Variants in ROBO2 observed in about 807,000 individuals in gnomAD.
ROBO2 encodes roundabout guidance receptor 2, also known as roundabout homolog 2.
A neutral mutation model predicts 160.8 loss-of-function variants in ROBO2; 53 were observed. The observed-to-expected ratio is 0.33, with a 90% CI of 0.26 to 0.41. The LOEUF is 0.41. Among genes scored for constraint, ROBO2 ranks in the 10% least tolerant of loss-of-function variants. ROBO2 has a pLI of 1.00. For missense variants in ROBO2, 1,577 were observed against 1,722.4 expected, an observed-to-expected ratio of 0.92 and a Z score of 1.49; for synonymous variants, 664 against 611.7, an observed-to-expected ratio of 1.09 and a Z score of -1.26.
chr3:77,135,821 A>G (rs2076233378), intron 2 of ROBO2, among the ~76,000 whole-genome samples: 1 of 152,210 alleles, frequency 6.6e-6, no homozygotes, highest in Non-Finnish European at 1.5e-5. Context: ...CCATCACTGT[A>G]CATCATTCAA....
intron 2 of ROBO2, among the ~76,000 whole-genome samples, chr3:75,958,062 T>G (rs1415259977): frequency 6.6e-6 from 1 of 151,784 alleles, no homozygotes; most frequent in African/African-American, 2.4e-5. Flanking sequence ...GCATGTGTCA[T>G]GCTGATAGTT....
intron 2 of ROBO2, among the ~76,000 whole-genome samples, chr3:76,846,997 T>C (rs2068834486): frequency 6.6e-6 from 1 of 152,186 alleles, no homozygotes; most frequent in Admixed American, 6.6e-5. Context: ...ATAATAATTC[T>C]CTTTTACAGA....
intron 1 of ROBO2, among the ~76,000 whole-genome samples, chr3:75,908,039 ATACT>A (rs1449994350): frequency 1.3e-5 from 2 of 152,130 alleles, no homozygotes; most frequent in Non-Finnish European, 1.5e-5. Context: ...AAAAAATTCA[ATACT>A]TACTTTGTGG....
At chr3:77,058,761 C>T (rs1311755050) in intron 1 of ROBO2, among the ~76,000 whole-genome samples, 2 of 151,582 alleles carry the variant, frequency 1.3e-5, no homozygotes, top group Non-Finnish European at 2.9e-5. Context: ...TGGTCTCCAA[C>T]TCCTGGGCTC....
intron 2 of ROBO2, among the ~76,000 whole-genome samples, chr3:76,708,253 G>A (rs756764971): frequency 5.3e-5 from 8 of 152,226 alleles, no homozygotes; most frequent in South Asian, 2.1e-4. Flanking sequence ...TTGAGGAAAC[G>A]CTTTCTTGTA....
intron 2 of ROBO2, among the ~76,000 whole-genome samples, chr3:76,529,715 A>C (rs2082125340): frequency 6.6e-6 from 1 of 152,164 alleles, no homozygotes. Flanking sequence ...TTGATAATTT[A>C]AGATATCAGT....
At chr3:77,552,224 A>ATATGGGAT (rs1268201126) in intron 8 of ROBO2, among the ~76,000 whole-genome samples, 3 of 152,062 alleles carry the variant, frequency 2.0e-5, no homozygotes, top group African/African-American at 7.2e-5. Context: ...GAAAAATAAG[A>ATATGGGAT]TATTCTGTCC....
chr3:77,480,583 G>T (rs2084570456), intron 3 of ROBO2, among the ~76,000 whole-genome samples: 1 of 152,072 alleles, frequency 6.6e-6, no homozygotes, highest in Non-Finnish European at 1.5e-5. Context: ...AAACAAAGAT[G>T]ATTAATATTA....
At position 76,862,814 on chromosome 3, in the gene ROBO2, A is replaced by G. The variant is rs2070939738; in HGVS notation, c.110-235200A>G. On this transcript the variant is annotated intron_variant, in intron 2 of 26. Transcript: ENST00000487694. ...AAAATCAATATAGATTAAAAACAAT[A>G]ATATTTTAGGGGATTTAATTAGTGG... Among the ~76,000 whole-genome samples the G allele has an allele frequency of 2.0e-5, 3 of 152,058 alleles. No individual in the cohort carries two copies. In the South Asian group the frequency reaches 6.2e-4, roughly 31 times the overall value.
chr3:77,208,296 A>T (rs1409554049), intron 2 of ROBO2, among the ~76,000 whole-genome samples: 1 of 152,232 alleles, frequency 6.6e-6, no homozygotes, highest in Non-Finnish European at 1.5e-5. Flanking sequence ...TGCTTTGGAT[A>T]AAATATCTAG....
intron 2 of ROBO2, among the ~76,000 whole-genome samples, chr3:76,403,055 G>A (rs369552397): frequency 1.2e-3 from 182 of 151,660 alleles, no homozygotes; most frequent in African/African-American, 4.1e-3. Flanking sequence ...GCTTTGGTGC[G>A]TGATTCATTC....
rs1006722920 is a variant in ROBO2 at position 77,331,775 on chromosome 3, G to A, written c.389-145639G>A. Among the ~76,000 whole-genome samples, 17 of 151,972 alleles carry A rather than the reference G, an allele frequency of 1.1e-4. No homozygotes were observed. The East Asian group carries it at 1.2e-3, about 10-fold the overall frequency. ...CTGGAGTGCAGTGGCGCGATATGTC[G>A]GCTCACTGCAACCTCCATCATCCAG... On this transcript the variant is annotated intron_variant, in intron 2 of 25. Coordinates refer to ENST00000461745, the Ensembl canonical transcript of ROBO2.
chr3:76,615,236 T>A (rs2109139636), intron 2 of ROBO2, among the ~76,000 whole-genome samples: 1 of 152,264 alleles, frequency 6.6e-6, no homozygotes, highest in South Asian at 2.1e-4. Flanking sequence ...TCTTTTTTAT[T>A]ATTTTGCTTT....
chr3:76,635,126 G>A (rs2090258321), intron 2 of ROBO2, among the ~76,000 whole-genome samples: 2 of 152,146 alleles, frequency 1.3e-5, no homozygotes, highest in Non-Finnish European at 2.9e-5. Context: ...TAATATCGGT[G>A]TTGTTATTGG....
intron 2 of ROBO2, among the ~76,000 whole-genome samples, chr3:77,128,174 G>A (rs2075520767): frequency 6.6e-6 from 1 of 152,122 alleles, no homozygotes; most frequent in Non-Finnish European, 1.5e-5. Context: ...GCATATCCAG[G>A]TGTTAAGGCT....
intron 2 of ROBO2, among the ~76,000 whole-genome samples, chr3:76,606,395 G>A (rs542615708): frequency 1.3e-5 from 2 of 152,240 alleles, no homozygotes; most frequent in South Asian, 4.1e-4. Flanking sequence ...TTTTCTCTAC[G>A]ATATTTGCTG....
In ROBO2 at chr3:76,101,056, A is replaced by G. The variant is rs144661807; in HGVS notation, c.109+163454A>G. Among the ~76,000 whole-genome samples, 815 of 152,238 alleles carry G rather than the reference A, an allele frequency of 5.4e-3. 11 individuals carry two copies. The highest frequency in any genetic ancestry group is 0.019 in the African/African-American group (788 of 41,562). On this transcript the variant is annotated intron_variant, in intron 2 of 26. Coordinates refer to the ROBO2 transcript ENST00000487694. ...AAAAAACAGAGAGCCAAGGAAGCAA[A>G]GTATGTGCTTTGTATAAAAGAACCA...
chr3:76,796,509 A>G (rs2063710804), intron 2 of ROBO2, among the ~76,000 whole-genome samples: 2 of 123,772 alleles, frequency 1.6e-5, no homozygotes, highest in Non-Finnish European at 3.2e-5. Flanking sequence ...GGAAAGAAGG[A>G]AAGAAGGAAG....
chr3:76,677,162 T>C (rs566589136), intron 2 of ROBO2, among the ~76,000 whole-genome samples: 2 of 152,106 alleles, frequency 1.3e-5, no homozygotes, highest in Admixed American at 1.3e-4. Flanking sequence ...AGTATCACTA[T>C]GTACCCAAAC....
Sources: allele counts gnomAD v4.1 joint callset (sites outside exome capture counted in the v4.1 genomes callset), GRCh38; gene constraint gnomAD v4.1.1; transcripts MANE v1.5; gene names NCBI Gene and HGNC (gene_info 2026-07-23, HGNC 2026-07-21).